The following CA10 variants were observed in gnomAD, a reference collection of about 807,000 sequenced individuals.
CA10 encodes carbonic anhydrase-related protein 10.
Under a neutral mutation model 44.2 loss-of-function variants are expected in CA10, and 14 were observed. The ratio of observed to expected loss-of-function variants is 0.32; its 90% CI spans 0.21 to 0.50. The LOEUF (loss-of-function observed/expected upper bound fraction) is 0.50. CA10 is among the 20% of genes least tolerant of loss of function. CA10 has a pLI of 0.99. For missense variants in CA10, 350 were observed against 409.7 expected (o/e 0.85, Z 1.26); for synonymous variants, 159 against 141.6 (o/e 1.12, Z -0.87).
intron 3 of CA10, among the ~76,000 whole-genome samples, chr17:51,819,263 G>C (rs1907676474): frequency 6.6e-6 from 1 of 152,174 alleles, no homozygotes; most frequent in Non-Finnish European, 1.5e-5. Context: ...TCCTGAGTTA[G>C]ATCTCTTGTG....
intron 3 of CA10, among the ~76,000 whole-genome samples, chr17:51,784,745 C>T (rs1363475566): frequency 6.6e-6 from 1 of 152,174 alleles, no homozygotes; most frequent in Non-Finnish European, 1.5e-5. Flanking sequence ...ACGGAGTATC[C>T]ATCCCCTCAA....
chr17:52,013,067 A>G (rs1045340751), intron 2 of CA10, among the ~76,000 whole-genome samples: 1 of 152,068 alleles, frequency 6.6e-6, no homozygotes, highest in South Asian at 2.1e-4. Context: ...AAATTGATAA[A>G]GCAACCATTC....
At chr17:51,917,557 T>C (rs1982053322) in intron 3 of CA10, among the ~76,000 whole-genome samples, 1 of 152,250 alleles carries the variant, frequency 6.6e-6, no homozygotes, top group Non-Finnish European at 1.5e-5. Context: ...TGGCATCTGC[T>C]TAGCTTCTGG....
chr17:51,858,516 C>A, intron 3 of CA10, among the ~76,000 whole-genome samples: 1 of 152,308 alleles, frequency 6.6e-6, no homozygotes. Flanking sequence ...TCATTATACA[C>A]ACTCCAAAAG....
intron 3 of CA10, among the ~76,000 whole-genome samples, chr17:51,775,462 G>T (rs1305048839): frequency 6.6e-6 from 1 of 152,176 alleles, no homozygotes; most frequent in Non-Finnish European, 1.5e-5. Flanking sequence ...TACAAGGGGG[G>T]TGGGTAGGGA....
chr17:51,671,525 C>G (rs1914423174), intron 4 of CA10, among the ~76,000 whole-genome samples: 1 of 152,200 alleles, frequency 6.6e-6, no homozygotes, highest in Non-Finnish European at 1.5e-5. Flanking sequence ...CTGCCTCAGC[C>G]TCCTGAGTAG....
intron 1 of CA10, among the ~76,000 whole-genome samples, chr17:52,136,351 T>C (rs547553323): frequency 6.6e-6 from 1 of 152,312 alleles, no homozygotes; most frequent in African/African-American, 2.4e-5. Context: ...GTCTGTCTCC[T>C]AACATGCCTG....
chr17:51,954,497 T>C (rs555455170), intron 2 of CA10, among the ~76,000 whole-genome samples: 1 of 152,266 alleles, frequency 6.6e-6, no homozygotes, highest in African/African-American at 2.4e-5. Flanking sequence ...AGGATTTGAA[T>C]GGGCTTAGAG....
At chr17:51,709,978 CT>C (rs1313753915) in intron 4 of CA10, among the ~76,000 whole-genome samples, 1 of 152,222 alleles carries the variant, frequency 6.6e-6, no homozygotes, top group African/African-American at 2.4e-5. Context: ...CTAATCTGAA[CT>C]GCAGAATTTC....
chr17:52,122,792 T>C (rs1989039927), intron 1 of CA10, among the ~76,000 whole-genome samples: 1 of 152,232 alleles, frequency 6.6e-6, no homozygotes, highest in Admixed American at 6.5e-5. Context: ...CAAGAGAAAC[T>C]GTAATTGGAA....
chr17:52,042,896 C>T (rs534189220), intron 2 of CA10, among the ~76,000 whole-genome samples: 20 of 152,060 alleles, frequency 1.3e-4, no homozygotes, highest in South Asian at 4.1e-4. Context: ...ATCAAAGATG[C>T]GTTGAGTGAT....
chr17:51,755,022 A>T (rs2143623643), intron 3 of CA10, among the ~76,000 whole-genome samples: 1 of 152,196 alleles, frequency 6.6e-6, no homozygotes, highest in South Asian at 2.1e-4. Flanking sequence ...TTTTATCTAT[A>T]TATTTCCTAC....
intron 2 of CA10, among the ~76,000 whole-genome samples, chr17:52,033,991 A>C (rs894087855): frequency 5.9e-5 from 9 of 152,240 alleles, no homozygotes; most frequent in African/African-American, 1.9e-4. Context: ...AGTCAAACTC[A>C]TAGAAGCAGA....
chr17:51,681,029 G>T (rs972920444), intron 4 of CA10, among the ~76,000 whole-genome samples: 6 of 152,188 alleles, frequency 3.9e-5, no homozygotes, highest in African/African-American at 1.4e-4. Flanking sequence ...TGCATGATGG[G>T]TGAAGGTCAA....
At chr17:51,998,732 A>C in intron 2 of CA10, among the ~76,000 whole-genome samples, 1 of 152,002 alleles carries the variant, frequency 6.6e-6, no homozygotes, top group East Asian at 1.9e-4. Context: ...GTGTAGTTTA[A>C]TTCCACTTTA....
intron 1 of CA10, among the ~76,000 whole-genome samples, chr17:52,139,732 C>A (rs1271708381): frequency 6.6e-6 from 1 of 152,154 alleles, no homozygotes; most frequent in Non-Finnish European, 1.5e-5. Flanking sequence ...TACATCTTAA[C>A]AGCTGTGTGC....
rs563783442 is a variant in CA10 at position 52,146,551 on chromosome 17, G to A, written c.61+11175C>T. Among the ~76,000 whole-genome samples the A allele has an allele frequency of 3.3e-5, 5 of 152,100 alleles. No homozygotes were observed. In the South Asian group the frequency reaches 6.3e-4, roughly 19 times the overall value. On this transcript the variant is annotated intron_variant, in intron 1 of 8. Transcript: ENST00000451037. ...TAAAAATACAAAAAATCAGCCGGCC[G>A]TGGTGGCGGGCGCCTGTAGTCCCAG...
chr17:51,997,807 A>G (rs1187537089), intron 2 of CA10, among the ~76,000 whole-genome samples: 1 of 152,136 alleles, frequency 6.6e-6, no homozygotes, highest in East Asian at 1.9e-4. Context: ...CTAAAAAATT[A>G]AAAGAACAGG....
chr17:51,813,507 T>G (rs935935883), intron 3 of CA10, among the ~76,000 whole-genome samples: 3 of 152,330 alleles, frequency 2.0e-5, no homozygotes, highest in Admixed American at 6.5e-5. Flanking sequence ...CAGGACCTGT[T>G]CAGAACTCCA....
Sources: gnomAD v4.1 joint callset for allele counts (sites outside exome capture counted in the v4.1 genomes callset) on GRCh38, gnomAD v4.1.1 for gene constraint, MANE v1.5 for transcripts, NCBI Gene and HGNC (gene_info 2026-07-23, HGNC 2026-07-21) for gene names.